Variants in AHDC1 observed in about 807,000 individuals in gnomAD.
AHDC1 encodes transcription factor Gibbin.
A neutral mutation model predicts 87.9 loss-of-function variants in AHDC1; 7 were observed. That is an observed-to-expected ratio of 0.08 (90% CI 0.05 to 0.15). The LOEUF (loss-of-function observed/expected upper bound fraction) is 0.15, where lower values mean the gene tolerates loss of function less well. Among genes scored for constraint, AHDC1 ranks in the 10% least tolerant of loss-of-function variants. AHDC1 has a pLI of 1.00. For missense variants in AHDC1, 1,841 were observed against 2,253.2 expected (o/e 0.82, Z 3.70); for synonymous variants, 1,051 against 1,006.8 (o/e 1.04, Z -0.83).
chr1:27,550,226 T>C lies in AHDC1; in HGVS notation c.1890A>G (p.Gly630=), dbSNP rs751913942. The change falls in exon 8 of 9, where the codon GGA becomes GGG. Residue 630 remains glycine, a synonymous_variant. Transcript: ENST00000673934. ...AFLNRQSQCA[G]RCSPPRCWTP... is the part of the protein sequence containing the mutation. ...TCCAGCAGCGGGGCGGTGAGCACCGTCCAGCGCACTGGCTCTGGCGGTTCA... is the reference window on the plus strand; with the variant it reads ...TCCAGCAGCGGGGCGGTGAGCACCGCCCAGCGCACTGGCTCTGGCGGTTCA... The C allele has an allele frequency of 3.1e-6, 5 of 1,613,532 alleles. No individual in the cohort carries two copies. Among genetic ancestry groups the C allele is most frequent in the Non-Finnish European group, 4.2e-6 (5 of 1,179,902 alleles).
At chr1:27,541,404 C>T (rs2018912335) in intron 8 of AHDC1, among the ~76,000 whole-genome samples, 3 of 152,012 alleles carry the variant, frequency 2.0e-5, no homozygotes, top group Non-Finnish European at 2.9e-5. Flanking sequence ...CTGCAACCTC[C>T]GGCTCCAGGG....
chr1:27,548,711 G>A lies in AHDC1; in HGVS notation c.3405C>T (p.His1135=), dbSNP rs141366276. ...CCAGGATCACGTTGGGCTCGCTGAC[G>A]TGGCAGTCAAAACTGGGATTGTAGA... is the stretch of plus-strand genomic sequence containing the variant. The part of the protein sequence containing the change: ...SQLYNPSFDC[H]VSEPNVILDI... The change falls in exon 8 of 9, where the codon CAC becomes CAT. Residue 1135 remains histidine (H), a synonymous_variant. Transcript: ENST00000673934. 3.8e-5 allele frequency: 61 copies of A among 1,613,230 alleles called. No individual in the cohort carries two copies. The highest frequency in any genetic ancestry group is 9.9e-5 in the South Asian group (9 of 91,094).
chr1:27,569,658 G>A (rs1006753806), intron 3 of AHDC1, among the ~76,000 whole-genome samples: 2 of 152,124 alleles, frequency 1.3e-5, no homozygotes, highest in East Asian at 3.8e-4. Flanking sequence ...GATGCTGGCC[G>A]TCAGGAGTCA....
rs1335601946 is a variant in AHDC1 at position 27,562,324 on chromosome 1, C to T, written c.-628-3441G>A. ...CGGTTCAGAAATCCAATATCCTCCC[C>T]GGTGCACTGATCGACTGACTACCTG... On this transcript the variant is annotated intron_variant, in intron 3 of 8. Coordinates refer to ENST00000673934, the MANE Select transcript of AHDC1 (RefSeq NM_001371928.1). The surrounding 1 kb of genome is among the most constrained non-coding windows in gnomAD (Gnocchi z 4.4). 6.6e-6 allele frequency among the ~76,000 whole-genome samples: 1 copy of T among 152,122 alleles called. No homozygotes were observed. The highest frequency in any genetic ancestry group is 2.4e-5 in the African/African-American group (1 of 41,404).
intron 3 of AHDC1, among the ~76,000 whole-genome samples, chr1:27,599,118 C>CTCCT (rs1209667800): frequency 1.3e-5 from 2 of 152,190 alleles, no homozygotes; most frequent in African/African-American, 4.8e-5. Flanking sequence ...CAGAATCAGG[C>CTCCT]TCCTTCCTGA....
Position 27,595,571 on chromosome 1 carries a change from T to C in AHDC1, c.-629+7826A>G, listed in dbSNP as rs1415668826. Among the ~76,000 whole-genome samples, 2 of 151,714 alleles carry C rather than the reference T, an allele frequency of 1.3e-5. No homozygotes were observed. The highest frequency in any genetic ancestry group is 4.9e-5 in the African/African-American group (2 of 41,182). Reference sequence around the variant, plus strand: ...TGTGAACATGTGCCTGGAAAGGTGTTGTGGTTGGTGGAGGATGCACTGTGG... The same window carrying C: ...TGTGAACATGTGCCTGGAAAGGTGTCGTGGTTGGTGGAGGATGCACTGTGG... On this transcript the variant is annotated intron_variant, in intron 3 of 8. Coordinates refer to ENST00000673934, the MANE Select transcript of AHDC1 (RefSeq NM_001371928.1). This position sits in a 1 kb window ranked among gnomAD's most constrained non-coding sequence, Gnocchi z 4.0.
At position 27,548,263 on chromosome 1, in the gene AHDC1, CCTT is replaced by C. The variant is rs1317979173; in HGVS notation, c.3850_3852del (p.Lys1284del). ...GCTTTGGCCGCTGCGCCACCCCGCT[CCTT>C]CTTGGCTGAGCAGGCCCCACCGCCC... On this transcript the variant is annotated inframe_deletion, in exon 8 of 9. Transcript: ENST00000673934. 6.2e-7 allele frequency: 1 copy of C among 1,611,028 alleles called. No homozygotes were observed. The highest frequency in any genetic ancestry group is 8.5e-7 in the Non-Finnish European group (1 of 1,178,530).
At chr1:27,576,589 A>G (rs540609740) in intron 3 of AHDC1, among the ~76,000 whole-genome samples, 2 of 152,348 alleles carry the variant, frequency 1.3e-5, no homozygotes, top group African/African-American at 4.8e-5. Context: ...GTCAGAGCCT[A>G]AAGTCAGAAA....
intron 3 of AHDC1, among the ~76,000 whole-genome samples, chr1:27,575,687 C>T (rs541841431): frequency 6.6e-6 from 1 of 151,754 alleles, no homozygotes; most frequent in East Asian, 1.9e-4. Context: ...TCGGCCCCCA[C>T]CCGGTCCAAC....
chr1:27,535,043 G>A (rs2018584437), intron 8 of AHDC1, 127 bp from the exon 9 acceptor site: 1 of 152,188 alleles, frequency 6.6e-6, no homozygotes, highest in South Asian at 2.1e-4. Flanking sequence ...GAGGGGGAAA[G>A]CTAACCACTG....
rs964749800 is a variant in AHDC1, at chr1:27,560,347, C to T, written c.-628-1464G>A. Among the ~76,000 whole-genome samples, 10 of 152,042 alleles carry T rather than the reference C, an allele frequency of 6.6e-5. No homozygotes were observed. Among genetic ancestry groups the T allele is most frequent in the African/African-American group, 2.4e-4 (10 of 41,388 alleles). The stretch of plus-strand genomic sequence containing the variant: ...GGGTGTGCACACGCTTTGCCTGGCT[C>T]TCTGCATCTCGCTGTGTCAGGAGCC... On this transcript the variant is annotated intron_variant, in intron 3 of 8. Coordinates refer to ENST00000673934, the MANE Select transcript of AHDC1 (RefSeq NM_001371928.1). The surrounding 1 kb of genome is among the most constrained non-coding windows in gnomAD (Gnocchi z 4.1).
At chr1:27,578,948 G>C (rs2088833197) in intron 3 of AHDC1, among the ~76,000 whole-genome samples, 1 of 151,560 alleles carries the variant, frequency 6.6e-6, no homozygotes, top group Non-Finnish European at 1.5e-5. Context: ...CACCTGCCTC[G>C]GCCTCCCAAA....
intron 8 of AHDC1, among the ~76,000 whole-genome samples, chr1:27,541,776 C>T (rs2018934432): frequency 6.6e-6 from 1 of 152,026 alleles, no homozygotes; most frequent in African/African-American, 2.4e-5. Context: ...ACTACAGGCA[C>T]CTGCCATCAT....
chr1:27,587,011 C>A (rs1208398345), intron 3 of AHDC1, among the ~76,000 whole-genome samples: 1 of 152,214 alleles, frequency 6.6e-6, no homozygotes, highest in Non-Finnish European at 1.5e-5. Flanking sequence ...CTGAGGACCC[C>A]TCACTTTCCT....
At chr1:27,586,410 G>C (rs997623183) in intron 3 of AHDC1, among the ~76,000 whole-genome samples, 3 of 152,128 alleles carry the variant, frequency 2.0e-5, no homozygotes, top group African/African-American at 7.2e-5. Context: ...CAGCTAACCC[G>C]GCAATCACCT....
intron 3 of AHDC1, among the ~76,000 whole-genome samples, chr1:27,568,601 G>A (rs1235731959): frequency 1.3e-5 from 2 of 152,060 alleles, no homozygotes; most frequent in South Asian, 2.1e-4. Flanking sequence ...GGCGGGCCGC[G>A]CGGGCCGGGC....
intron 8 of AHDC1, among the ~76,000 whole-genome samples, chr1:27,541,928 C>T (rs1270279280): frequency 2.0e-5 from 3 of 152,250 alleles, no homozygotes; most frequent in Non-Finnish European, 4.4e-5. Context: ...CCGCGCCTGG[C>T]AAGGAGGTTT....
chr1:27,575,921 G>C (rs1466678686), intron 3 of AHDC1, among the ~76,000 whole-genome samples: 1 of 151,614 alleles, frequency 6.6e-6, no homozygotes, highest in South Asian at 2.1e-4. Flanking sequence ...GTGGCGGGGG[G>C]AGGGGAGGGC....
chr1:27,547,465 C>A lies in AHDC1; in HGVS notation c.4651G>T (p.Val1551Leu), dbSNP rs375725827. 2.2e-5 allele frequency: 35 copies of A among 1,595,126 alleles called. No homozygotes were observed. Among genetic ancestry groups the A allele is most frequent in the Non-Finnish European group, 2.8e-5 (33 of 1,166,540 alleles). ...PLLSDLTLSPVPRDSLLPLQD... is the reference protein window; with the variant it reads ...PLLSDLTLSPLPRDSLLPLQD... ...AGGGGCAGCAGCGAGTCCCTCGGCA[C>A]GGGGGACAGGGTCAAGTCACTAAGG... Residue 1551 changes from valine (V) to leucine (L), a missense_variant, in exon 8 of 9, where the codon GTG becomes TTG. Transcript: ENST00000673934. This position sits in a 1 kb window ranked among gnomAD's most constrained non-coding sequence, Gnocchi z 4.9.
Sources: gnomAD v4.1 joint callset for allele counts (sites outside exome capture counted in the v4.1 genomes callset) on GRCh38, gnomAD v4.1.1 for gene constraint, Gnocchi (gnomAD v3.1) non-coding constraint, MANE v1.5 for transcripts, NCBI Gene and HGNC (gene_info 2026-07-23, HGNC 2026-07-21) for gene names.